Variants in RGPD1 observed in about 807,000 individuals in gnomAD.
RGPD1 encodes RANBP2-like and GRIP domain-containing protein 1.
A neutral mutation model predicts 40.6 loss-of-function variants in RGPD1; 7 were observed. That is an observed-to-expected ratio of 0.17 (90% CI 0.10 to 0.32). The LOEUF is 0.32. Ranked by LOEUF, RGPD1 falls within the 10% of genes least tolerant of loss-of-function variation. RGPD1 has a pLI of 1.00. For missense variants in RGPD1, 50 were observed against 472.5 expected, an observed-to-expected ratio of 0.11 and a Z score of 8.29; for synonymous variants, 24 against 167.0, an observed-to-expected ratio of 0.14 and a Z score of 6.60.
upstream of RGPD1, among the ~76,000 whole-genome samples, chr2:86,938,901 ATTTG>A (rs1259744719): frequency 7.6e-6 from 1 of 131,400 alleles, no homozygotes; most frequent in African/African-American, 2.8e-5. Flanking sequence ...ATGCAGAAAG[ATTTG>A]TTTGACACAG....
intron 1 of RGPD1, among the ~76,000 whole-genome samples, chr2:86,945,792 G>A (rs1680307401): frequency 6.8e-6 from 1 of 146,754 alleles, no homozygotes; most frequent in Non-Finnish European, 1.5e-5. Context: ...CAGGAGAATT[G>A]CTTGAACCCT....
upstream of RGPD1, among the ~76,000 whole-genome samples, chr2:86,942,059 T>G (rs1180627187): frequency 6.6e-6 from 1 of 151,166 alleles, no homozygotes; most frequent in African/African-American, 2.4e-5. Flanking sequence ...CCCGGCCGAG[T>G]GCAGCTCGAG....
rs1212899111 is a variant in RGPD1 at position 86,944,266 on chromosome 2, GAGA to G, written c.72+1964_72+1966del. On this transcript the variant is annotated intron_variant, in intron 1 of 22. Transcript: ENST00000641458. ...GAGTAAGTTACAGTCTATTCCTCCA[GAGA>G]AGAAGGATAGATATCTACTTGTACA... 1.2e-4 allele frequency among the ~76,000 whole-genome samples: 18 copies of G among 152,278 alleles called. No individual in the cohort carries two copies. In the South Asian group the frequency reaches 2.7e-3, roughly 23 times the overall value.
At chr2:86,943,219 T>C (rs982588784) in intron 1 of RGPD1, among the ~76,000 whole-genome samples, 66 of 148,634 alleles carry the variant, frequency 4.4e-4, no homozygotes, top group Non-Finnish European at 7.1e-4. Flanking sequence ...GAGTATGAGG[T>C]GTTTGTCGCT....
In RGPD1 at chr2:86,960,447, G is replaced by A. The variant is rs542041766; in HGVS notation, c.779+2020G>A. 2.3e-4 allele frequency among the ~76,000 whole-genome samples: 17 copies of A among 73,760 alleles called. 1 individual carries two copies. Among genetic ancestry groups the A allele is most frequent in the Non-Finnish European group, 3.9e-4 (16 of 41,514 alleles). 48.4% of individuals were successfully genotyped at this position (73,760 alleles called of 152,430 possible). A position where few individuals can be genotyped will look rare whatever the true frequency, so the allele number is the denominator to read the frequency against. On this transcript the variant is annotated intron_variant, in intron 6 of 22. Coordinates refer to ENST00000641458, the MANE Select transcript of RGPD1 (RefSeq NM_001382344.1). Reference sequence around the variant, plus strand: ...TCACCCTGTTAGCCAGGATGGTCTCGATCTCCTGACCTCGTGATCTGCCCT... The same window carrying A: ...TCACCCTGTTAGCCAGGATGGTCTCAATCTCCTGACCTCGTGATCTGCCCT...
chr2:86,978,318 C>T (rs1270552063), intron 17 of RGPD1, among the ~76,000 whole-genome samples: 1 of 26,040 alleles, frequency 3.8e-5, no homozygotes, highest in East Asian at 5.7e-4. Flanking sequence ...GCTTCAGCCT[C>T]CCAAAGTGCT....
intron 1 of RGPD1, among the ~76,000 whole-genome samples, chr2:86,929,417 T>C (rs1418778079): frequency 4.2e-4 from 64 of 152,090 alleles, no homozygotes; most frequent in East Asian, 2.9e-3. Flanking sequence ...ATTTAGAAAC[T>C]GGTCAGTGTC....
rs778616663 is a variant in RGPD1 at position 86,974,111 on chromosome 2, AC to A, written c.1313del (p.Thr438IlefsTer20). The A allele has an allele frequency of 6.2e-7, 1 of 1,605,624 alleles. No individual in the cohort carries two copies. The highest frequency in any genetic ancestry group is 1.4e-5 in the African/African-American group (1 of 73,508). On this transcript the variant is annotated frameshift_variant, in exon 10 of 23. Coordinates refer to ENST00000641458, the MANE Select transcript of RGPD1 (RefSeq NM_001382344.1). LOFTEE classifies it high-confidence loss of function. ...ACATAATGGTAGTCTTCAGCACCTT[AC>A]TTGGCTTGGCTTACAGTGGAATTCA... Reference protein sequence around the residue: ...QAHNGSLQHLTWLGLQWNSLP... With the variant: ...QAHNGSLQHLXWLGLQWNSLP...
At chr2:86,942,567 C>G (rs1454241500) in intron 1 of RGPD1, among the ~76,000 whole-genome samples, 1,588 of 36,142 alleles carry the variant, frequency 0.044, 112 homozygotes, top group Middle Eastern at 0.089. Context: ...CGACGTGGCC[C>G]GGCGGCGGCC....
chr2:86,918,616 C>T (rs1199732242), intron 1 of RGPD1, among the ~76,000 whole-genome samples: 3 of 148,578 alleles, frequency 2.0e-5, no homozygotes, highest in African/African-American at 5.1e-5. Flanking sequence ...CCCGCCACCA[C>T]GCCCGGCTAA....
At chr2:86,930,695 C>A in intron 1 of RGPD1, 2 of 1,599,596 alleles carry the variant, frequency 1.3e-6, no homozygotes, top group Non-Finnish European at 8.5e-7. Flanking sequence ...GCTGCTGTTG[C>A]GGCGCCCGAA....
intron 1 of RGPD1, among the ~76,000 whole-genome samples, chr2:86,924,521 A>G (rs1678316772): frequency 6.6e-6 from 1 of 150,710 alleles, no homozygotes; most frequent in Non-Finnish European, 1.5e-5. Context: ...GCCGGACTGC[A>G]GTGATGCTAT....
upstream of RGPD1, among the ~76,000 whole-genome samples, chr2:86,938,864 G>A (rs1679525982): frequency 7.9e-6 from 1 of 126,488 alleles, no homozygotes; most frequent in South Asian, 2.7e-4. Flanking sequence ...GGGCGGCAGT[G>A]TGAGACTCTC....
At chr2:86,929,427 CAG>C (rs1349570818) in intron 1 of RGPD1, among the ~76,000 whole-genome samples, 2 of 151,812 alleles carry the variant, frequency 1.3e-5, no homozygotes, top group East Asian at 3.9e-4. Context: ...TGGTCAGTGT[CAG>C]AGCGATCAGA....
At chr2:86,929,349 C>T (rs544922275) in intron 1 of RGPD1, among the ~76,000 whole-genome samples, 129 of 151,810 alleles carry the variant, frequency 8.5e-4, no homozygotes, top group African/African-American at 2.9e-3. Context: ...ACTCTGTTCT[C>T]TTGTGCATTG....
intron 1 of RGPD1, among the ~76,000 whole-genome samples, chr2:86,914,605 TGGCCGGGCGGCGGCGGCGGCGGC>T (rs2104646718): frequency 5.3e-5 from 3 of 56,434 alleles, no homozygotes; most frequent in African/African-American, 7.2e-5. Flanking sequence ...GGCCTCGACC[TGGCCGGGCGGCGGCGGCGGCGGC>T]GGCCTCGACC....
chr2:86,918,227 C>T (rs1677859306), intron 1 of RGPD1, among the ~76,000 whole-genome samples: 1 of 150,466 alleles, frequency 6.6e-6, no homozygotes, highest in African/African-American at 2.4e-5. Context: ...GGCCTTACCT[C>T]TCACCCTCTT....
At chr2:86,938,611 AAAAT>A (rs1216053025), upstream of RGPD1, among the ~76,000 whole-genome samples, 82 of 151,742 alleles carry the variant, frequency 5.4e-4, no homozygotes, top group South Asian at 1.7e-3. Context: ...AAAAAAAAAA[AAAAT>A]AAATAAATAA....
intron 1 of RGPD1, among the ~76,000 whole-genome samples, chr2:86,917,994 T>C (rs1677835748): frequency 7.6e-6 from 1 of 131,340 alleles, no homozygotes; most frequent in Non-Finnish European, 1.6e-5. Context: ...AGAAACTGGA[T>C]CACAAAGAAA....
Sources: gnomAD v4.1 joint callset for allele counts (sites outside exome capture counted in the v4.1 genomes callset) on GRCh38, gnomAD v4.1.1 for gene constraint, MANE v1.5 for transcripts, NCBI Gene and HGNC (gene_info 2026-07-23, HGNC 2026-07-21) for gene names.